NECTIN3: variants seen among roughly 807,000 people sequenced by gnomAD.
The protein encoded by NECTIN3 is nectin cell adhesion molecule 3, also known as nectin-3.
NECTIN3 carries 8 observed loss-of-function variants against 49.4 expected under a neutral mutation model. The ratio of observed to expected loss-of-function variants is 0.16; its 90% confidence interval spans 0.10 to 0.29. The LOEUF (loss-of-function observed/expected upper bound fraction) is 0.29, where lower values mean the gene tolerates loss of function less well. NECTIN3 is among the 10% of genes least tolerant of loss of function. The pLI is 1.00. For synonymous variants in NECTIN3, 277 were observed against 241.1 expected, an observed-to-expected ratio of 1.15 and a Z score of -1.38; for missense variants, 581 against 654.6, an observed-to-expected ratio of 0.89 and a Z score of 1.23.
intron 1 of NECTIN3, chr3:111,074,259 T>G (rs1175381185): frequency 2.2e-6 from 1 of 456,414 alleles, no homozygotes; most frequent in East Asian, 6.9e-5. Context: ...AAGTAAGCTG[T>G]TAGTCTAACA....
rs1181185493 is a variant in NECTIN3 at position 111,134,397 on chromosome 3, T to C, written c.*182T>C. The C allele has an allele frequency of 1.5e-6, 2 of 1,335,398 alleles. No homozygotes were observed. The highest frequency in any genetic ancestry group is 5.7e-5 in the East Asian group (2 of 34,912). 82.7% of individuals were successfully genotyped at this position (1,335,398 alleles called of 1,614,324 possible). On this transcript the variant is annotated 3_prime_UTR_variant, in exon 6 of 6. Coordinates refer to ENST00000485303, the MANE Select transcript of NECTIN3 (RefSeq NM_015480.3). ...TCTGAGTTCAGTGTATCTAAGCTGC[T>C]TTACAATTTTTTTTCAATGCTGTAC...
intron 3 of NECTIN3, among the ~76,000 whole-genome samples, chr3:111,121,074 C>G (rs1160486026): frequency 2.1e-5 from 3 of 146,338 alleles, no homozygotes; most frequent in East Asian, 2.0e-4. Context: ...GCGAACTAGG[C>G]TCACTGCAAG....
rs144247865 is a variant in NECTIN3 at position 111,072,081 on chromosome 3, G to A, written c.64G>A (p.Ala22Thr). 846 of 1,549,232 alleles carry A rather than the reference G, an allele frequency of 5.5e-4. 7 individuals carry two copies. The African/African-American group carries it at 0.01, about 19-fold the overall frequency. ...AGGCGGCAAAGCACAACTTTCCTCC[G>A]CTTCTCTCCTCGGAGCCGGGCTCCT... ...PGGGKAQLSS[A>T]SLLGAGLLLQ... The change falls in exon 1 of 6, where the codon GCT (alanine) becomes ACT (threonine). Residue 22 changes from alanine to threonine, a missense_variant. By Grantham distance (58) the Ala-to-Thr change is moderately conservative (BLOSUM62 0). This residue lies in a region of NECTIN3 where 109 missense variants were observed against 69.1 expected (regional missense o/e 1.58). Transcript: ENST00000485303.
intron 1 of NECTIN3, among the ~76,000 whole-genome samples, chr3:111,082,647 A>G (rs562798344): frequency 6.6e-6 from 1 of 152,308 alleles, no homozygotes; most frequent in South Asian, 2.1e-4. Flanking sequence ...TTTTGGCACC[A>G]GGGACTGGTT....
chr3:111,108,600 A>G (rs2033315289), intron 1 of NECTIN3, among the ~76,000 whole-genome samples: 1 of 152,184 alleles, frequency 6.6e-6, no homozygotes, highest in African/African-American at 2.4e-5. Flanking sequence ...TAAAGGAAAC[A>G]GGCTTATTTT....
At chr3:111,105,684 C>A (rs1036071803) in intron 1 of NECTIN3, among the ~76,000 whole-genome samples, 1 of 152,010 alleles carries the variant, frequency 6.6e-6, no homozygotes, top group Non-Finnish European at 1.5e-5. Flanking sequence ...GAATTTATTT[C>A]TTTTTCTTGC....
intron 7 of NECTIN3, among the ~76,000 whole-genome samples, chr3:111,160,576 GA>G (rs1404876172): frequency 1.3e-5 from 2 of 151,844 alleles, no homozygotes; most frequent in African/African-American, 2.4e-5. Context: ...TTTTTTACAT[GA>G]TTTTTTTTAA....
intron 5 of NECTIN3, among the ~76,000 whole-genome samples, chr3:111,131,025 G>C (rs1184465347): frequency 6.6e-6 from 1 of 151,972 alleles, no homozygotes; most frequent in Non-Finnish European, 1.5e-5. Context: ...TCAAACTTAA[G>C]AATCTGCTTA....
intron 5 of NECTIN3, chr3:111,144,876 G>A: frequency 6.6e-7 from 1 of 1,516,172 alleles, no homozygotes; most frequent in South Asian, 1.2e-5. Context: ...TATTTGAAAA[G>A]CCTAATTTTT....
chr3:111,144,823 C>T, intron 5 of NECTIN3: 1 of 1,430,528 alleles, frequency 7.0e-7, no homozygotes, highest in Non-Finnish European at 9.4e-7. Context: ...ATAGTTTGCA[C>T]ATTGTAGAAA....
At chr3:111,124,589 A>G (rs1431449472) in intron 4 of NECTIN3, among the ~76,000 whole-genome samples, 3 of 152,202 alleles carry the variant, frequency 2.0e-5, no homozygotes, top group African/African-American at 4.8e-5. Context: ...GAAAAAGGTT[A>G]GGTGCTTTTG....
intron 7 of NECTIN3, among the ~76,000 whole-genome samples, chr3:111,173,675 T>C (rs1285345769): frequency 6.6e-6 from 1 of 152,216 alleles, no homozygotes; most frequent in Non-Finnish European, 1.5e-5. Flanking sequence ...TCCTCCTCAC[T>C]CTTAGACTCA....
chr3:111,090,044 A>T (rs114317069), intron 1 of NECTIN3, among the ~76,000 whole-genome samples: 1 of 152,072 alleles, frequency 6.6e-6, no homozygotes, highest in Non-Finnish European at 1.5e-5. Context: ...TACTTTGTCT[A>T]GTTTTCATAT....
chr3:111,151,779 T>C (rs2035004503), intron 7 of NECTIN3, among the ~76,000 whole-genome samples: 1 of 151,928 alleles, frequency 6.6e-6, no homozygotes, highest in African/African-American at 2.4e-5. Context: ...ACAGTGTTAG[T>C]AGAGAAAGAA....
upstream of NECTIN3, among the ~76,000 whole-genome samples, chr3:111,189,193 T>A (rs186732334): frequency 4.6e-5 from 7 of 152,322 alleles, no homozygotes; most frequent in East Asian, 1.2e-3. Flanking sequence ...TTAAATTGCC[T>A]TTTCCTTCTA....
At chr3:111,169,879 A>G (rs1341493335) in intron 7 of NECTIN3, among the ~76,000 whole-genome samples, 3 of 152,252 alleles carry the variant, frequency 2.0e-5, no homozygotes, top group Non-Finnish European at 4.4e-5. Context: ...ATAAATTTAT[A>G]CTTTGTACCA....
At position 111,131,157 on chromosome 3, in the gene NECTIN3, A is replaced by C. The variant is rs550534726; in HGVS notation, c.1070-2478A>C. Among the ~76,000 whole-genome samples, 6 of 152,192 alleles carry C rather than the reference A, an allele frequency of 3.9e-5. No individual in the cohort carries two copies. The South Asian group carries it at 1.2e-3, about 32-fold the overall frequency. On this transcript the variant is annotated intron_variant, in intron 5 of 5. Coordinates refer to ENST00000485303, the MANE Select transcript of NECTIN3 (RefSeq NM_015480.3). ...TAAAAATATACCTTAGAAGACTAAAATATGCCTTTTACGGGGCATTACATG... is the reference window on the plus strand; with the variant it reads ...TAAAAATATACCTTAGAAGACTAAACTATGCCTTTTACGGGGCATTACATG...
intron 1 of NECTIN3, among the ~76,000 whole-genome samples, chr3:111,087,391 G>A (rs542367184): frequency 3.9e-5 from 6 of 152,226 alleles, no homozygotes; most frequent in Admixed American, 1.3e-4. Context: ...TGTGCCTCAC[G>A]CCTGTAATCC....
intron 1 of NECTIN3, among the ~76,000 whole-genome samples, chr3:111,091,850 A>G (rs1277172360): frequency 6.6e-6 from 1 of 152,184 alleles, no homozygotes; most frequent in Non-Finnish European, 1.5e-5. Context: ...GTTGCTAATT[A>G]TATTTTACCT....
Sources: gnomAD v4.1 joint callset for allele counts (sites outside exome capture counted in the v4.1 genomes callset) on GRCh38, gnomAD v4.1.1 for gene constraint, gnomAD v4.1.1 regional missense constraint, MANE v1.5 for transcripts, NCBI Gene and HGNC (gene_info 2026-07-23, HGNC 2026-07-21) for gene names.